SP6: variants seen among roughly 807,000 people sequenced by gnomAD.
SP6 encodes transcription factor Sp6.
A neutral mutation model predicts 23.4 loss-of-function variants in SP6; 10 were observed. The ratio of observed to expected loss-of-function variants is 0.43; its 90% CI spans 0.26 to 0.72. The LOEUF (loss-of-function observed/expected upper bound fraction) is 0.72. SP6 is among the 30% of genes least tolerant of loss of function. The pLI is 0.23. For missense variants in SP6, 482 were observed against 523.8 expected (o/e 0.92, Z 0.78); for synonymous variants, 238 against 238.7 (o/e 1.00, Z 0.03).
chr17:47,862,394 G>C, the SP6 span, among the ~76,000 whole-genome samples: 2 of 149,306 alleles, frequency 1.3e-5, no homozygotes, highest in South Asian at 4.2e-4. Flanking sequence ...TGTAGTCCAA[G>C]CTACTTGGGA....
the SP6 span, among the ~76,000 whole-genome samples, chr17:47,867,095 C>T: frequency 6.6e-6 from 1 of 152,138 alleles, no homozygotes; most frequent in Non-Finnish European, 1.5e-5. Context: ...TGACGTACTT[C>T]GGCGGCTGAT....
In SP6 at chr17:47,848,905, C is replaced by G. The variant is rs1318262683; in HGVS notation, c.-57-419G>C. ...ACACATCTCAGCTTCCCCAGTTTAA[C>G]TCAGGATACAGATGGGAGAGGGGAT... is the stretch of plus-strand genomic sequence containing the variant. On this transcript the variant is annotated intron_variant, in intron 1 of 1. Coordinates refer to ENST00000536300, the MANE Select transcript of SP6 (RefSeq NM_001258248.2). This position sits in a 1 kb window ranked among gnomAD's most constrained non-coding sequence, Gnocchi z 5.3. Among the ~76,000 whole-genome samples, 1 of 152,160 alleles carries G rather than the reference C, an allele frequency of 6.6e-6. No individual in the cohort carries two copies. The highest frequency in any genetic ancestry group is 1.5e-5 in the Non-Finnish European group (1 of 68,026).
upstream of SP6, among the ~76,000 whole-genome samples, chr17:47,857,593 G>A (rs1238636545): frequency 6.6e-6 from 1 of 152,100 alleles, no homozygotes; most frequent in Non-Finnish European, 1.5e-5. Flanking sequence ...AGTCAGGGGT[G>A]TGTTTAGACC....
At chr17:47,870,076 A>G in the SP6 span, among the ~76,000 whole-genome samples, 1 of 152,114 alleles carries the variant, frequency 6.6e-6, no homozygotes, top group Non-Finnish European at 1.5e-5. Context: ...TGTAGGGGGA[A>G]GAAAGACAGG....
At chr17:47,868,177 C>T in the SP6 span, among the ~76,000 whole-genome samples, 3 of 152,320 alleles carry the variant, frequency 2.0e-5, no homozygotes, top group African/African-American at 7.2e-5. Flanking sequence ...CCTCGCCATG[C>T]CAACAGGCCC....
At chr17:47,859,801 G>A (rs757156734), upstream of SP6, among the ~76,000 whole-genome samples, 112 of 152,296 alleles carry the variant, frequency 7.4e-4, no homozygotes, top group Admixed American at 1.2e-3. Flanking sequence ...AGGGCTGAGG[G>A]AGAGTGAAGC....
In SP6 at chr17:47,848,337, A is replaced by G; in HGVS notation, c.93T>C (p.Thr31=). The G allele has an allele frequency of 6.2e-7, 1 of 1,607,934 alleles. No homozygotes were observed. Among genetic ancestry groups the G allele is most frequent in the Non-Finnish European group, 8.5e-7 (1 of 1,177,352 alleles). Residue 31 remains threonine, a synonymous_variant, in exon 2 of 2, where the codon ACT becomes ACC. Transcript: ENST00000536300. This position sits in a 1 kb window ranked among gnomAD's most constrained non-coding sequence, Gnocchi z 5.3. ...CCTCAGGGCTCGTGTGGCCCTGGTA[A>G]GTTTGGAGAGGCTGCAGGTCGAGGC... The part of the protein sequence containing the change: ...PPRLDLQPLQ[T]YQGHTSPEAG...
the SP6 span, among the ~76,000 whole-genome samples, chr17:47,869,589 CAG>C: frequency 6.6e-6 from 1 of 152,274 alleles, no homozygotes; most frequent in African/African-American, 2.4e-5. Flanking sequence ...CACGGACACT[CAG>C]AGTGAAAGAG....
chr17:47,858,133 C>A (rs1598065361), upstream of SP6, among the ~76,000 whole-genome samples: 1 of 152,028 alleles, frequency 6.6e-6, no homozygotes, highest in African/African-American at 2.4e-5. Flanking sequence ...GACTCTACTT[C>A]CTTCTTCAGC....
upstream of SP6, among the ~76,000 whole-genome samples, chr17:47,860,368 G>T (rs2034026817): frequency 6.6e-6 from 1 of 152,188 alleles, no homozygotes; most frequent in Admixed American, 6.5e-5. Context: ...TCTCTGATGG[G>T]TAATACAATT....
chr17:47,855,069 T>C (rs944062424), upstream of SP6, among the ~76,000 whole-genome samples: 12 of 152,238 alleles, frequency 7.9e-5, no homozygotes, highest in Admixed American at 2.0e-4. Flanking sequence ...ATCGAGGGTC[T>C]ACTTAAGGCC....
At chr17:47,870,807 A>T in the SP6 span, among the ~76,000 whole-genome samples, 1 of 152,150 alleles carries the variant, frequency 6.6e-6, no homozygotes, top group African/African-American at 2.4e-5. Flanking sequence ...GTGTGACTTC[A>T]GGAACATCCA....
the SP6 span, among the ~76,000 whole-genome samples, chr17:47,870,397 C>T: frequency 5.3e-5 from 8 of 152,118 alleles, no homozygotes; most frequent in Non-Finnish European, 1.0e-4. Flanking sequence ...TGTGAAGAAG[C>T]TGCTGGTCCC....
chr17:47,874,548 A>G, the SP6 span, among the ~76,000 whole-genome samples: 1 of 152,170 alleles, frequency 6.6e-6, no homozygotes, highest in Non-Finnish European at 1.5e-5. Flanking sequence ...TTCTAAAAGA[A>G]GAAAAAACAA....
chr17:47,872,914 C>T, the SP6 span, among the ~76,000 whole-genome samples: 1 of 152,186 alleles, frequency 6.6e-6, no homozygotes, highest in South Asian at 2.1e-4. Flanking sequence ...CGAGAATGTC[C>T]TGGGACCGGG....
chr17:47,849,165 T>G (rs535991369), intron 1 of SP6, among the ~76,000 whole-genome samples: 1 of 152,064 alleles, frequency 6.6e-6, no homozygotes, highest in African/African-American at 2.4e-5. Flanking sequence ...GGGAGCAGCT[T>G]TCTGGCCACC....
chr17:47,874,706 G>A, the SP6 span, among the ~76,000 whole-genome samples: 1 of 152,094 alleles, frequency 6.6e-6, no homozygotes, highest in Non-Finnish European at 1.5e-5. Flanking sequence ...AATTTGGAGA[G>A]TGCATGTGGG....
upstream of SP6, among the ~76,000 whole-genome samples, chr17:47,851,360 C>T (rs1489235244): frequency 2.6e-5 from 4 of 152,200 alleles, no homozygotes; most frequent in Non-Finnish European, 5.9e-5. Context: ...CCCTGGTCCC[C>T]TCCACTCCCA....
upstream of SP6, among the ~76,000 whole-genome samples, chr17:47,859,288 T>G (rs774678860): frequency 2.0e-5 from 3 of 152,196 alleles, no homozygotes; most frequent in Non-Finnish European, 4.4e-5. Flanking sequence ...TCGAAATCAT[T>G]TCCACCCCTG....
Sources: allele counts gnomAD v4.1 joint callset (sites outside exome capture counted in the v4.1 genomes callset), GRCh38; gene constraint gnomAD v4.1.1; non-coding constraint Gnocchi (gnomAD v3.1); transcripts MANE v1.5; gene names NCBI Gene and HGNC (gene_info 2026-07-23, HGNC 2026-07-21).